SVOP: variants seen among roughly 807,000 people sequenced by gnomAD.
SVOP encodes the protein synaptic vesicle 2-related protein.
SVOP carries 17 observed loss-of-function variants against 69.1 expected under a neutral mutation model. The ratio of observed to expected loss-of-function variants is 0.25; its 90% CI spans 0.17 to 0.37. The LOEUF is 0.37. SVOP is among the 10% of genes least tolerant of loss of function. The pLI, the probability that SVOP is intolerant of heterozygous loss-of-function variation, is 1.00. For synonymous variants in SVOP, 238 were observed against 238.6 expected (o/e 1.00, Z 0.02); for missense variants, 435 against 597.5 (o/e 0.73, Z 2.84).
At chr12:108,950,249 T>C (rs2039946796) in intron 6 of SVOP, among the ~76,000 whole-genome samples, 2 of 151,276 alleles carry the variant, frequency 1.3e-5, no homozygotes, top group East Asian at 3.9e-4. Context: ...TTCTTTCTTT[T>C]TTTTTTTTTT....
At position 108,912,693 on chromosome 12, in the gene SVOP, A is replaced by C; in HGVS notation, c.1489T>G (p.Cys497Gly). The change falls in exon 16 of 16, where the codon TGC becomes GGC. Residue 497 changes from cysteine to glycine, a missense_variant. Coordinates refer to ENST00000610966, the MANE Select transcript of SVOP (RefSeq NM_018711.5). ...GAGGCCAGGGCAGCCAGGAGGCAGCAGCCACTGTAAACTGCCAGAGTCAGG... is the reference window on the plus strand; with the variant it reads ...GAGGCCAGGGCAGCCAGGAGGCAGCCGCCACTGTAAACTGCCAGAGTCAGG... ...VYLTLAVYSG[C>G]CLLAALASCF... 6.2e-7 allele frequency: 1 copy of C among 1,614,006 alleles called. No individual in the cohort carries two copies. The highest frequency in any genetic ancestry group is 8.5e-7 in the Non-Finnish European group (1 of 1,179,894).
intron 5 of SVOP, among the ~76,000 whole-genome samples, chr12:108,964,419 T>C (rs1245346697): frequency 6.6e-6 from 1 of 151,060 alleles, no homozygotes; most frequent in Non-Finnish European, 1.5e-5. Flanking sequence ...ATCCAAGGAG[T>C]CTTGAATCAA....
At chr12:108,934,522 C>T (rs1364399596) in intron 10 of SVOP, among the ~76,000 whole-genome samples, 1 of 152,196 alleles carries the variant, frequency 6.6e-6, no homozygotes, top group Non-Finnish European at 1.5e-5. Flanking sequence ...TGAACCAGAG[C>T]ACCTCCATCT....
chr12:108,934,329 C>T, intron 10 of SVOP, 58 bp from the exon 11 acceptor site: 1 of 1,470,762 alleles, frequency 6.8e-7, no homozygotes, highest in East Asian at 2.5e-5. Context: ...AGTCCCCTTT[C>T]CCTACCCCCT....
Position 108,912,429 on chromosome 12 carries a change from T to G in SVOP, c.*106A>C, listed in dbSNP as rs117176284. 10,642 of 1,564,200 alleles carry G rather than the reference T, an allele frequency of 6.8e-3. 64 individuals carry two copies. Among genetic ancestry groups the G allele is most frequent in the South Asian group, 9.7e-3 (805 of 82,820 alleles). ...AACCCTGTTGGTCCAGGTCATACTCTTGGGTGAGTTCTTGATGTCGGCAGT... is the reference window on the plus strand; with the variant it reads ...AACCCTGTTGGTCCAGGTCATACTCGTGGGTGAGTTCTTGATGTCGGCAGT... On this transcript the variant is annotated 3_prime_UTR_variant, in exon 16 of 16. Transcript: ENST00000610966.
chr12:108,928,841 T>A (rs1288737026), intron 11 of SVOP, among the ~76,000 whole-genome samples: 1 of 152,200 alleles, frequency 6.6e-6, no homozygotes, highest in Non-Finnish European at 1.5e-5. Context: ...GTGCTGGGAT[T>A]ACAGGCATGA....
At chr12:108,922,599 C>A in intron 12 of SVOP, 91 bp downstream of exon 12, 1 of 926,630 alleles carries the variant, frequency 1.1e-6, no homozygotes. Flanking sequence ...ATGGGATTTG[C>A]TTCCAGGTAG....
At chr12:109,016,959 G>A (rs1217727027) in intron 1 of SVOP, among the ~76,000 whole-genome samples, 1 of 151,906 alleles carries the variant, frequency 6.6e-6, no homozygotes, top group Non-Finnish European at 1.5e-5. Context: ...TATTCCCCAG[G>A]CTTGCAGTAG....
chr12:108,938,485 C>T (rs1016121421), intron 9 of SVOP, among the ~76,000 whole-genome samples: 11 of 152,236 alleles, frequency 7.2e-5, no homozygotes, highest in African/African-American at 2.7e-4. Context: ...TTTTGCCAAT[C>T]AGTCTCATTC....
intron 7 of SVOP, among the ~76,000 whole-genome samples, chr12:108,942,949 G>A (rs1390700729): frequency 1.3e-5 from 2 of 151,894 alleles, no homozygotes; most frequent in Non-Finnish European, 2.9e-5. Flanking sequence ...TGTTGAGATG[G>A]AGTTTTGCCA....
At chr12:108,967,776 T>C (rs922474218) in intron 5 of SVOP, among the ~76,000 whole-genome samples, 9 of 152,140 alleles carry the variant, frequency 5.9e-5, no homozygotes, top group Admixed American at 2.0e-4. Flanking sequence ...TCCCCCAACG[T>C]GTGACAATCA....
At chr12:108,922,463 G>T (rs548758532) in intron 12 of SVOP, among the ~76,000 whole-genome samples, 1 of 152,272 alleles carries the variant, frequency 6.6e-6, no homozygotes, top group Admixed American at 6.5e-5. Context: ...CATGTCTTCT[G>T]CCAGCATGCA....
chr12:108,977,280 C>T, intron 4 of SVOP, 118 bp downstream of exon 4: 1 of 1,258,668 alleles, frequency 7.9e-7, no homozygotes, highest in Non-Finnish European at 1.1e-6. Context: ...ACAGTGTTTC[C>T]ATCAGGGCTT....
At chr12:108,960,476 G>A (rs2040011985) in intron 6 of SVOP, among the ~76,000 whole-genome samples, 1 of 152,122 alleles carries the variant, frequency 6.6e-6, no homozygotes. Context: ...CTTGCGTTTA[G>A]GTAGGAAGAG....
intron 2 of SVOP, among the ~76,000 whole-genome samples, chr12:108,979,459 C>T (rs2040125151): frequency 6.6e-6 from 1 of 152,104 alleles, no homozygotes; most frequent in South Asian, 2.1e-4. Flanking sequence ...CCAGGCTGGT[C>T]TTGAACTCCT....
At position 108,983,715 on chromosome 12, in the gene SVOP, C is replaced by T. The variant is rs1290801472; in HGVS notation, c.82G>A (p.Asp28Asn). 3 of 398,680 alleles carry T rather than the reference C, an allele frequency of 7.5e-6. No individual in the cohort carries two copies. Among genetic ancestry groups the T allele is most frequent in the Non-Finnish European group, 8.8e-6 (2 of 226,198 alleles). The allele number at this position is 398,680 out of a possible 1,614,324, so 24.7% of individuals were successfully genotyped here. A position where few individuals can be genotyped will look rare whatever the true frequency, so the allele number is the denominator to read the frequency against. ...ACTTCATGCTCTCCTGAAGCCGTGT[C>T]GTCCTCTGACCTTGCACTCTCGCCT... ...RTGESARSEDDTASGEHEVQI... is the reference protein window; with the variant it reads ...RTGESARSEDNTASGEHEVQI... The change falls in exon 2 of 16, where the codon GAC becomes AAC. Residue 28 changes from aspartate to asparagine, a missense_variant. Coordinates refer to ENST00000610966, the MANE Select transcript of SVOP (RefSeq NM_018711.5).
chr12:108,987,802 G>A (rs1417605396), intron 1 of SVOP, among the ~76,000 whole-genome samples: 2 of 152,084 alleles, frequency 1.3e-5, no homozygotes, highest in African/African-American at 4.8e-5. Flanking sequence ...TTGTTGACTT[G>A]TACTTCTTTC....
chr12:108,912,172 A>C lies in SVOP; in HGVS notation c.*363T>G. ...TCACATGGGCCTGAGCCTGGACGGT[A>C]TCTACAGAGAGATATTTTGGTTGTT... On this transcript the variant is annotated 3_prime_UTR_variant, in exon 16 of 16. Coordinates refer to ENST00000610966, the MANE Select transcript of SVOP (RefSeq NM_018711.5). 1 of 1,108,424 alleles carries C rather than the reference A, an allele frequency of 9.0e-7. No individual in the cohort carries two copies. Among genetic ancestry groups the C allele is most frequent in the Non-Finnish European group, 1.1e-6 (1 of 905,446 alleles). 68.7% of individuals were successfully genotyped at this position (1,108,424 alleles called of 1,614,324 possible).
intron 1 of SVOP, among the ~76,000 whole-genome samples, chr12:109,011,635 AT>A (rs1368724319): frequency 6.6e-6 from 1 of 152,202 alleles, no homozygotes; most frequent in African/African-American, 2.4e-5. Flanking sequence ...ACCTGGGACA[AT>A]TTCAACAGCA....
Sources: gnomAD v4.1 joint callset for allele counts (sites outside exome capture counted in the v4.1 genomes callset) on GRCh38, gnomAD v4.1.1 for gene constraint, MANE v1.5 for transcripts, NCBI Gene and HGNC (gene_info 2026-07-23, HGNC 2026-07-21) for gene names.